ASXL2: variants seen among roughly 807,000 people sequenced by gnomAD.
ASXL2 encodes ASXL transcriptional regulator 2.
ASXL2 carries 23 observed loss-of-function variants against 122.0 expected under a neutral mutation model. The ratio of observed to expected loss-of-function variants is 0.19; its 90% CI spans 0.14 to 0.27. The LOEUF (loss-of-function observed/expected upper bound fraction) is 0.27. Ranked by LOEUF, ASXL2 falls within the 10% of genes least tolerant of loss-of-function variation. The pLI, the probability that ASXL2 is intolerant of heterozygous loss-of-function variation, is 1.00. For missense variants in ASXL2, 1,518 were observed against 1,713.8 expected (o/e 0.89, Z 2.02); for synonymous variants, 650 against 637.0 (o/e 1.02, Z -0.31).
At chr2:25,798,278 G>A (rs957366840) in intron 5 of ASXL2, among the ~76,000 whole-genome samples, 1 of 152,050 alleles carries the variant, frequency 6.6e-6, no homozygotes, top group African/African-American at 2.4e-5. Flanking sequence ...CATGGCACAA[G>A]TTTACTTACG....
At chr2:25,812,086 A>G (rs2089177429) in intron 3 of ASXL2, among the ~76,000 whole-genome samples, 1 of 151,846 alleles carries the variant, frequency 6.6e-6, no homozygotes, top group Admixed American at 6.6e-5. Flanking sequence ...AGATATTACC[A>G]TTAAAGGAAA....
chr2:25,743,114 G>T lies in ASXL2; in HGVS notation c.3223C>A (p.Arg1075=), dbSNP rs200946888. The T allele has an allele frequency of 1.2e-6, 2 of 1,613,966 alleles. No homozygotes were observed. The highest frequency in any genetic ancestry group is 8.5e-7 in the Non-Finnish European group (1 of 1,179,894). The change falls in exon 13 of 13, where the codon CGG becomes AGG. Residue 1075 remains arginine (R), a synonymous_variant. Coordinates refer to ENST00000435504, the MANE Select transcript of ASXL2 (RefSeq NM_018263.6). ...QILQTLIQRV[R]RQNLLSVVPP... is the part of the protein sequence containing the mutation. ...ACAACTGAGAGAAGATTCTGCCTCC[G>T]AACCCTCTGAATGAGAGTCTGAAGG... is the stretch of plus-strand genomic sequence containing the variant.
chr2:25,839,431 T>G (rs772254846), intron 2 of ASXL2, among the ~76,000 whole-genome samples: 1 of 152,158 alleles, frequency 6.6e-6, no homozygotes, highest in African/African-American at 2.4e-5. Flanking sequence ...TTGTTTTAAC[T>G]GTTACAAAAA....
chr2:25,776,336 T>C (rs997230813), intron 5 of ASXL2, among the ~76,000 whole-genome samples: 2 of 152,248 alleles, frequency 1.3e-5, no homozygotes, highest in Non-Finnish European at 2.9e-5. Flanking sequence ...TCAATATGTA[T>C]AAATACTTTA....
At chr2:25,822,450 TC>T in intron 3 of ASXL2, 1 of 355,672 alleles carries the variant, frequency 2.8e-6, no homozygotes. Context: ...TGTTCGCCCG[TC>T]CCCCTGCCCT....
At chr2:25,755,264 C>G (rs1198107378) in intron 10 of ASXL2, among the ~76,000 whole-genome samples, 1 of 152,114 alleles carries the variant, frequency 6.6e-6, no homozygotes, top group Non-Finnish European at 1.5e-5. Context: ...GACACTAACC[C>G]AGAGCAATAA....
At position 25,742,577 on chromosome 2, in the gene ASXL2, G is replaced by A; in HGVS notation, c.3760C>T (p.Gln1254Ter). 6.2e-7 allele frequency: 1 copy of A among 1,613,918 alleles called. No homozygotes were observed. ...SKENYLFTRGQTFDEKTLARD... is the reference protein window; with the variant it reads ...SKENYLFTRG ...GCTAGGGTCTTTTCATCAAATGTTT[G>A]GCCTCTAGTGAACAGGTAATTCTCC... The change falls in exon 13 of 13, where the codon CAA becomes TAA. Residue 1254 changes from glutamine (Q) to a stop codon, truncating the protein, a stop_gained. Transcript: ENST00000435504. LOFTEE classifies it high-confidence loss of function.
At chr2:25,780,374 G>A (rs2088614003) in intron 5 of ASXL2, 1 of 152,176 alleles carries the variant, frequency 6.6e-6, no homozygotes. Flanking sequence ...ATTCCATTGT[G>A]TATATCGATC....
chr2:25,771,358 A>C, intron 6 of ASXL2, 82 bp downstream of exon 6: 1 of 1,327,536 alleles, frequency 7.5e-7, no homozygotes, highest in Non-Finnish European at 1.0e-6. Context: ...AAAAATTTTC[A>C]AAAAATATCC....
chr2:25,798,174 G>C (rs74837771), intron 5 of ASXL2, among the ~76,000 whole-genome samples: 1 of 152,176 alleles, frequency 6.6e-6, no homozygotes, highest in Non-Finnish European at 1.5e-5. Flanking sequence ...CTTTCAGAGG[G>C]TGGTGTGGGG....
At chr2:25,873,854 TTG>T (rs2089987517) in intron 1 of ASXL2, among the ~76,000 whole-genome samples, 1 of 152,130 alleles carries the variant, frequency 6.6e-6, no homozygotes, top group Non-Finnish European at 1.5e-5. Context: ...TCACACACAC[TTG>T]TCCTTTTGGG....
chr2:25,822,991 C>A (rs1269056820), intron 3 of ASXL2: 2 of 509,534 alleles, frequency 3.9e-6, no homozygotes, highest in African/African-American at 4.0e-5. Flanking sequence ...AGAAAAATAA[C>A]TTCTCTGCAA....
At chr2:25,834,395 T>A (rs1337402277) in intron 3 of ASXL2, among the ~76,000 whole-genome samples, 4 of 152,030 alleles carry the variant, frequency 2.6e-5, no homozygotes, top group African/African-American at 9.7e-5. Context: ...AAATACATGC[T>A]CCCTTCAAAC....
intron 3 of ASXL2, among the ~76,000 whole-genome samples, chr2:25,831,653 C>CA (rs1193699225): frequency 1.3e-5 from 2 of 150,474 alleles, no homozygotes; most frequent in African/African-American, 4.9e-5. Context: ...GACCCTGTCT[C>CA]AAAAAACAAA....
rs556944885 is a variant in ASXL2 at position 25,740,489 on chromosome 2, T to C, written c.*1540A>G. The C allele has an allele frequency of 1.3e-5, 3 of 228,006 alleles. No individual in the cohort carries two copies. The highest frequency in any genetic ancestry group is 1.3e-4 in the East Asian group (2 of 15,816). The allele number at this position is 228,006 out of a possible 1,614,324, so 14.1% of individuals were successfully genotyped here. A position where few individuals can be genotyped will look rare whatever the true frequency, so the allele number is the denominator to read the frequency against. On this transcript the variant is annotated 3_prime_UTR_variant, in exon 13 of 13. Coordinates refer to ENST00000435504, the MANE Select transcript of ASXL2 (RefSeq NM_018263.6). ...TCCAAATTAGGAGACTTGAAATCAATATGCAAATGATGCAAATTGACACTC... is the reference window on the plus strand; with the variant it reads ...TCCAAATTAGGAGACTTGAAATCAACATGCAAATGATGCAAATTGACACTC...
chr2:25,803,963 G>A (rs116746216), intron 4 of ASXL2, among the ~76,000 whole-genome samples: 2,279 of 152,136 alleles, frequency 0.015, 25 homozygotes, highest in Admixed American at 0.021. Flanking sequence ...AACGGTGTAT[G>A]AGAATAGGGA....
chr2:25,838,273 T>A (rs941101434), intron 2 of ASXL2, among the ~76,000 whole-genome samples: 1 of 152,212 alleles, frequency 6.6e-6, no homozygotes, highest in Non-Finnish European at 1.5e-5. Flanking sequence ...GGCAGTTTCC[T>A]GTGGCCACCT....
intron 2 of ASXL2, among the ~76,000 whole-genome samples, chr2:25,844,575 C>CAA: frequency 8.4e-6 from 1 of 119,156 alleles, no homozygotes; most frequent in Middle Eastern, 5.0e-3. Context: ...GACTCCGTCT[C>CAA]AAAAAAAAAA....
At chr2:25,777,470 T>C (rs1473418529) in intron 5 of ASXL2, among the ~76,000 whole-genome samples, 1 of 151,796 alleles carries the variant, frequency 6.6e-6, no homozygotes, top group Non-Finnish European at 1.5e-5. Context: ...TGAAACCCTG[T>C]CTCTAGAAAA....
Sources: gnomAD v4.1 joint callset for allele counts (sites outside exome capture counted in the v4.1 genomes callset) on GRCh38, gnomAD v4.1.1 for gene constraint, MANE v1.5 for transcripts, NCBI Gene and HGNC (gene_info 2026-07-23, HGNC 2026-07-21) for gene names.